NID1: variants seen among roughly 807,000 people sequenced by gnomAD.
NID1 encodes the protein nidogen 1, also known as nidogen-1.
In NID1, 76 loss-of-function variants were observed where a neutral mutation model predicts 130.6. That is an observed-to-expected ratio of 0.58 (90% CI 0.48 to 0.70). The LOEUF (loss-of-function observed/expected upper bound fraction) is 0.70, where lower values mean the gene tolerates loss of function less well. Among genes scored for constraint, NID1 ranks in the 30% least tolerant of loss-of-function variants. NID1 has a pLI of 0.00. For synonymous variants in NID1, 665 were observed against 675.1 expected (o/e 0.98, Z 0.23); for missense variants, 1,517 against 1,664.8 (o/e 0.91, Z 1.54).
chr1:236,048,920 G>A lies in NID1; in HGVS notation c.295C>T (p.Pro99Ser), dbSNP rs1211282293. 2 of 1,614,146 alleles carry A rather than the reference G, an allele frequency of 1.2e-6. No homozygotes were observed. Among genetic ancestry groups the A allele is most frequent in the African/African-American group, 2.7e-5 (2 of 75,044 alleles). ...AKESHPGLFP[P>S]TFGAVAPFLA... ...AAAGGGGCGACTGCACCGAATGTTGGTGGGAAGAGCCCGGGATGGGATTCT... is the reference window on the plus strand; with the variant it reads ...AAAGGGGCGACTGCACCGAATGTTGATGGGAAGAGCCCGGGATGGGATTCT... The change falls in exon 2 of 20, where the codon CCA (proline) becomes TCA (serine). Residue 99 changes from proline (P) to serine (S), a missense_variant. Transcript: ENST00000264187.
chr1:236,034,480 C>T (rs565750213), intron 5 of NID1, among the ~76,000 whole-genome samples: 1 of 150,658 alleles, frequency 6.6e-6, no homozygotes, highest in East Asian at 1.9e-4. Flanking sequence ...CTGATATGGG[C>T]TAAAACAGGC....
chr1:236,020,052 A>C (rs537999017), intron 9 of NID1, among the ~76,000 whole-genome samples: 3,482 of 137,128 alleles, frequency 0.025, 148 homozygotes, highest in African/African-American at 0.083. Flanking sequence ...AAAAAAAAAA[A>C]AAAAAACAAA....
chr1:236,017,124 C>G, intron 10 of NID1, 24 bp downstream of exon 10: 1 of 1,613,794 alleles, frequency 6.2e-7, no homozygotes, highest in South Asian at 1.1e-5. Context: ...AATACTGTTT[C>G]GAAAAGTTAC....
In NID1 at chr1:236,028,007, T is replaced by C. The variant is rs563545392; in HGVS notation, c.1738+1543A>G. Among the ~76,000 whole-genome samples the C allele has an allele frequency of 1.8e-4, 28 of 152,200 alleles. 1 individual carries two copies. In the East Asian group the frequency reaches 5.4e-3, roughly 29 times the overall value. On this transcript the variant is annotated intron_variant, in intron 7 of 19. Coordinates refer to ENST00000264187, the MANE Select transcript of NID1 (RefSeq NM_002508.3). ...AATTAAAAAAATAAAAAATTCCTAT[T>C]GTTTGACTCGGCACTTCTATTTCTA...
At chr1:236,063,931 A>G (rs982853076) in intron 1 of NID1, among the ~76,000 whole-genome samples, 2 of 152,242 alleles carry the variant, frequency 1.3e-5, no homozygotes, top group Non-Finnish European at 2.9e-5. Flanking sequence ...GGCAAAGCCT[A>G]CAAGTTCCAC....
Position 235,990,999 on chromosome 1 carries a change from G to A in NID1, c.2815C>T (p.Pro939Ser). The change falls in exon 14 of 20, where the codon CCC becomes TCC. Residue 939 changes from proline to serine, a missense_variant. Pro to Ser is a moderately conservative substitution (Grantham distance 74, BLOSUM62 -1). Transcript: ENST00000264187. ...AGTAAATGGGTCCCAGGAGGCAAGGGGATCACGGCGGTAGGCACCGCAGGT... is the reference window on the plus strand; with the variant it reads ...AGTAAATGGGTCCCAGGAGGCAAGGAGATCACGGCGGTAGGCACCGCAGGT... ...QGPAVPTAVI[P>S]LPPGTHLLFA... is the part of the protein sequence containing the mutation. 6.2e-7 allele frequency: 1 copy of A among 1,613,586 alleles called. No homozygotes were observed. The highest frequency in any genetic ancestry group is 2.2e-5 in the East Asian group (1 of 44,884).
intron 7 of NID1, among the ~76,000 whole-genome samples, chr1:236,027,621 G>A (rs186396217): frequency 6.6e-6 from 1 of 152,220 alleles, no homozygotes; most frequent in Non-Finnish European, 1.5e-5. Flanking sequence ...TGGAGGTCAG[G>A]AGTTCGAGAC....
intron 1 of NID1, chr1:236,060,685 C>A (rs772989024): frequency 6.6e-6 from 1 of 151,358 alleles, no homozygotes; most frequent in Non-Finnish European, 1.5e-5. Context: ...GGGGCTTTTC[C>A]GATGGTAGTG....
chr1:235,977,706 T>A lies in NID1; in HGVS notation c.*161A>T, dbSNP rs1657308968. 1 of 707,590 alleles carries A rather than the reference T, an allele frequency of 1.4e-6. No homozygotes were observed. The highest frequency in any genetic ancestry group is 2.6e-5 in the East Asian group (1 of 38,100). 43.8% of individuals were successfully genotyped at this position (707,590 alleles called of 1,614,324 possible). ...TTCTATTAGAGAAGTCCAGGGTGCA[T>A]GTTTTGGGGAACAGTGAGGGAAAAG... On this transcript the variant is annotated 3_prime_UTR_variant, in exon 20 of 20. Transcript: ENST00000264187.
At chr1:236,009,429 C>G (rs1019276708) in intron 12 of NID1, among the ~76,000 whole-genome samples, 4 of 152,158 alleles carry the variant, frequency 2.6e-5, no homozygotes, top group Non-Finnish European at 5.9e-5. Flanking sequence ...CAGAGCAGCC[C>G]CAAACAGACT....
Position 236,009,101 on chromosome 1 carries a change from C to T in NID1, c.2527+2820G>A, listed in dbSNP as rs1273019911. On this transcript the variant is annotated intron_variant, in intron 12 of 19. Coordinates refer to ENST00000264187, the MANE Select transcript of NID1 (RefSeq NM_002508.3). Reference sequence around the variant, plus strand: ...TGCAATGTGAATGTTTATGTCCCTCCCAAATCCACGTACTGAAATCCTAAC... The same window carrying T: ...TGCAATGTGAATGTTTATGTCCCTCTCAAATCCACGTACTGAAATCCTAAC... 2.6e-5 allele frequency among the ~76,000 whole-genome samples: 4 copies of T among 152,216 alleles called. No homozygotes were observed. In the East Asian group the frequency reaches 7.7e-4, roughly 29 times the overall value.
chr1:236,007,527 T>A (rs577081970), intron 12 of NID1, among the ~76,000 whole-genome samples: 1 of 152,334 alleles, frequency 6.6e-6, no homozygotes, highest in Non-Finnish European at 1.5e-5. Context: ...TACTTGTCAC[T>A]TCCAAGATTC....
At chr1:235,991,602 G>T (rs149502835) in intron 13 of NID1, among the ~76,000 whole-genome samples, 2 of 152,216 alleles carry the variant, frequency 1.3e-5, no homozygotes, top group African/African-American at 4.8e-5. Context: ...CAAAGTGCTG[G>T]GATTACAGGT....
In NID1 at chr1:235,976,048, A is replaced by G. The variant is rs1350429220; in HGVS notation, c.*1819T>C. 6 of 152,508 alleles carry G rather than the reference A, an allele frequency of 3.9e-5. No homozygotes were observed. The South Asian group carries it at 1.0e-3, about 26-fold the overall frequency. The allele number at this position is 152,508 out of a possible 1,614,324, so 9.4% of individuals were successfully genotyped here. On this transcript the variant is annotated 3_prime_UTR_variant, in exon 20 of 20. Coordinates refer to ENST00000264187, the MANE Select transcript of NID1 (RefSeq NM_002508.3). The stretch of plus-strand genomic sequence containing the variant: ...CAAAATCATGATGAACATTTGATAT[A>G]GAGGGTTTAATATGAAACGATAAAT...
chr1:236,054,023 G>A (rs985266533), intron 1 of NID1, among the ~76,000 whole-genome samples: 3 of 152,152 alleles, frequency 2.0e-5, no homozygotes, highest in Admixed American at 1.3e-4. Context: ...AGAAGAACAT[G>A]CTAATGGACA....
intron 14 of NID1, 105 bp downstream of exon 14, chr1:235,990,781 T>C: frequency 1.6e-6 from 2 of 1,279,340 alleles, no homozygotes; most frequent in Non-Finnish European, 2.2e-6. Context: ...TGAGCACCCA[T>C]GGTTCCAGGG....
In NID1 at chr1:236,045,570, G is replaced by A. The variant is rs1450473403; in HGVS notation, c.639C>T (p.Asn213=). ...FHTTFSKKEN[N]QVPAVVAFSQ... ...TGAATGCAACCACGGCAGGAACTTG[G>A]TTGTTTTCCTTCTTTGAGAATGTCG... Residue 213 remains asparagine (N), a synonymous_variant, in exon 3 of 20, where the codon AAC becomes AAT. Coordinates refer to ENST00000264187, the MANE Select transcript of NID1 (RefSeq NM_002508.3). 7 of 1,614,020 alleles carry A rather than the reference G, an allele frequency of 4.3e-6. 1 individual carries two copies. In the South Asian group the frequency reaches 6.6e-5, roughly 15 times the overall value.
chr1:235,994,854 C>A lies in NID1; in HGVS notation c.2528-982G>T, dbSNP rs565496074. ...TGGGATTACAGGCAAGCACCACCAC[C>A]TCTGGCTGATTTTTATATTTTTAGT... On this transcript the variant is annotated intron_variant, in intron 12 of 19. Transcript: ENST00000264187. Among the ~76,000 whole-genome samples the A allele has an allele frequency of 2.2e-3, 336 of 152,234 alleles. 1 individual carries two copies. The highest frequency in any genetic ancestry group is 7.6e-3 in the African/African-American group (314 of 41,548).
In NID1 at chr1:236,017,414, T is replaced by C. The variant is rs2102820200; in HGVS notation, c.2129-141A>G. On this transcript the variant is annotated intron_variant, in intron 9 of 19. Transcript: ENST00000264187. ...CTTTTTTTTTTTCCGAGATGGAGTC[T>C]TGCTCTGTCGCCCAGAGCTGGAGTG... The C allele has an allele frequency of 1.4e-5, 13 of 911,850 alleles. No individual in the cohort carries two copies. The South Asian group carries it at 2.4e-4, about 17-fold the overall frequency. 56.5% of individuals were successfully genotyped at this position (911,850 alleles called of 1,614,324 possible).
Sources: allele counts gnomAD v4.1 joint callset (sites outside exome capture counted in the v4.1 genomes callset), GRCh38; gene constraint gnomAD v4.1.1; transcripts MANE v1.5; gene names NCBI Gene and HGNC (gene_info 2026-07-23, HGNC 2026-07-21).